BAZ2B: variants seen among roughly 807,000 people sequenced by gnomAD.
The protein encoded by BAZ2B is bromodomain adjacent to zinc finger domain 2B, also known as bromodomain adjacent to zinc finger domain protein 2B.
A neutral mutation model predicts 246.0 loss-of-function variants in BAZ2B; 91 were observed. The observed-to-expected ratio is 0.37, with a 90% CI of 0.31 to 0.44. The LOEUF (loss-of-function observed/expected upper bound fraction) is 0.44. BAZ2B is among the 20% of genes least tolerant of loss of function. The pLI is 1.00. For missense variants in BAZ2B, 2,332 were observed against 2,533.7 expected, an observed-to-expected ratio of 0.92 and a Z score of 1.71; for synonymous variants, 855 against 860.0, an observed-to-expected ratio of 0.99 and a Z score of 0.10.
At chr2:159,550,974 T>C (rs6751744) in intron 2 of BAZ2B, among the ~76,000 whole-genome samples, 39,598 of 151,988 alleles carry the variant, frequency 0.26, 5,231 homozygotes, top group South Asian at 0.36. Context: ...TAGCTGGGAC[T>C]ACAGGCTTGA....
chr2:159,509,895 A>T (rs2082735378), intron 2 of BAZ2B, among the ~76,000 whole-genome samples: 1 of 152,164 alleles, frequency 6.6e-6, no homozygotes, highest in Non-Finnish European at 1.5e-5. Context: ...ACATTTATAC[A>T]TACTAGTGTG....
chr2:159,318,601 T>G (rs1365801623), downstream of BAZ2B, among the ~76,000 whole-genome samples: 1 of 152,250 alleles, frequency 6.6e-6, no homozygotes, highest in Non-Finnish European at 1.5e-5. Context: ...AAATTGCATT[T>G]CTTGAATTCT....
the BAZ2B span, among the ~76,000 whole-genome samples, chr2:159,710,264 A>G: frequency 6.7e-6 from 1 of 148,578 alleles, no homozygotes; most frequent in Non-Finnish European, 1.5e-5. Context: ...GCTGGAGTGC[A>G]GTGGCATGAT....
At chr2:159,502,070 A>G (rs1419758035) in intron 2 of BAZ2B, among the ~76,000 whole-genome samples, 1 of 152,220 alleles carries the variant, frequency 6.6e-6, no homozygotes, top group Non-Finnish European at 1.5e-5. Context: ...CCAGTCACAA[A>G]TGACCATGGG....
chr2:159,413,896 A>G (rs2067222325), intron 13 of BAZ2B, among the ~76,000 whole-genome samples: 1 of 152,208 alleles, frequency 6.6e-6, no homozygotes, highest in Non-Finnish European at 1.5e-5. Context: ...CATATAATTC[A>G]GCAATTCCAC....
chr2:159,508,075 T>C (rs2082521033), intron 2 of BAZ2B, among the ~76,000 whole-genome samples: 1 of 152,152 alleles, frequency 6.6e-6, no homozygotes, highest in Non-Finnish European at 1.5e-5. Flanking sequence ...TTCGTCATGT[T>C]GGCCAGGCTG....
rs756523904 is a variant in BAZ2B, at chr2:159,427,934, T to C, written c.2466+7A>G. ...TTCAAAGACTATACTTTTTAAAAAG[T>C]GGATACCTGCGGTCCATCTCTGGCT... On this transcript the variant is annotated splice_region_variant and intron_variant, in intron 13 of 36. Coordinates refer to ENST00000392783, the MANE Select transcript of BAZ2B (RefSeq NM_013450.4). 2.5e-6 allele frequency: 4 copies of C among 1,610,626 alleles called. No homozygotes were observed. The highest frequency in any genetic ancestry group is 2.2e-5 in the South Asian group (2 of 90,820).
chr2:159,587,405 C>T (rs1372057914), intron 1 of BAZ2B, among the ~76,000 whole-genome samples: 1 of 152,128 alleles, frequency 6.6e-6, no homozygotes, highest in Non-Finnish European at 1.5e-5. Context: ...CCTATCTAAA[C>T]CTCACCTTCC....
chr2:159,700,541 G>T, the BAZ2B span, among the ~76,000 whole-genome samples: 1 of 152,202 alleles, frequency 6.6e-6, no homozygotes, highest in African/African-American at 2.4e-5. Context: ...CGCCTCCCGG[G>T]TTCCAGTGAT....
At chr2:159,689,315 T>C in the BAZ2B span, 1 of 402,822 alleles carries the variant, frequency 2.5e-6, no homozygotes, top group Non-Finnish European at 4.5e-6. Context: ...ACCTTCACCA[T>C]GAAGCTCCAT....
chr2:159,567,115 C>T (rs1682805577), intron 1 of BAZ2B, among the ~76,000 whole-genome samples: 1 of 152,012 alleles, frequency 6.6e-6, no homozygotes, highest in Non-Finnish European at 1.5e-5. Flanking sequence ...TGGTGGTGTG[C>T]ACCCGTAGTC....
At chr2:159,355,136 A>T (rs575689663) in intron 27 of BAZ2B, among the ~76,000 whole-genome samples, 38 of 152,312 alleles carry the variant, frequency 2.5e-4, no homozygotes, top group African/African-American at 9.1e-4. Context: ...AGTTTTTACT[A>T]AACTCTAAGT....
chr2:159,403,858 C>T (rs1363915842), intron 16 of BAZ2B, among the ~76,000 whole-genome samples: 4 of 152,128 alleles, frequency 2.6e-5, no homozygotes, highest in African/African-American at 9.7e-5. Context: ...GAAATAAAGA[C>T]TTAAGGGTTA....
At position 159,438,353 on chromosome 2, in the gene BAZ2B, T is replaced by C; in HGVS notation, c.1243A>G (p.Asn415Asp). ...AATAAACTAGATTCTTCAGAGGTATTTTTATTCCCTGCTTTAAGAACATCA... is the reference window on the plus strand; with the variant it reads ...AATAAACTAGATTCTTCAGAGGTATCTTTATTCCCTGCTTTAAGAACATCA... The part of the protein sequence containing the change: ...SPDVLKAGNK[N>D]TSEESSLLTS... Residue 415 changes from asparagine (N) to aspartate (D), a missense_variant, in exon 8 of 37, where the codon AAT becomes GAT. By Grantham distance (23) the Asn-to-Asp change is conservative. Coordinates refer to ENST00000392783, the MANE Select transcript of BAZ2B (RefSeq NM_013450.4). 1 of 1,614,102 alleles carries C rather than the reference T, an allele frequency of 6.2e-7. No individual in the cohort carries two copies. Among genetic ancestry groups the C allele is most frequent in the South Asian group, 1.1e-5 (1 of 91,080 alleles).
intron 24 of BAZ2B, among the ~76,000 whole-genome samples, 176 bp from the exon 25 acceptor site, chr2:159,382,978 A>T (rs763459926): frequency 2.6e-5 from 4 of 152,290 alleles, no homozygotes; most frequent in Middle Eastern, 3.4e-3. Flanking sequence ...TCCATAAATT[A>T]CAGGATGCAT....
chr2:159,421,802 C>A (rs1183312869), intron 13 of BAZ2B, among the ~76,000 whole-genome samples: 1 of 152,136 alleles, frequency 6.6e-6, no homozygotes, highest in African/African-American at 2.4e-5. Context: ...ATCAAACTAT[C>A]TGTCTTAAGA....
chr2:159,419,636 C>G (rs1481247939), intron 13 of BAZ2B: 2 of 152,172 alleles, frequency 1.3e-5, no homozygotes, highest in African/African-American at 4.8e-5. Flanking sequence ...ACAACTGTTT[C>G]CACAATGCTG....
rs375888221 is a variant in BAZ2B, at chr2:159,585,587, A to T, written c.-45-29722T>A. On this transcript the variant is annotated intron_variant, in intron 1 of 36. Coordinates refer to ENST00000392783, the MANE Select transcript of BAZ2B (RefSeq NM_013450.4). ...GTCTGTTGCTGTACATTTTGCAAAT[A>T]ATGGTTAAAAGCCATTTTTAAATAT... Among the ~76,000 whole-genome samples the T allele has an allele frequency of 6.6e-5, 10 of 152,376 alleles. No homozygotes were observed. The East Asian group carries it at 1.2e-3, about 18-fold the overall frequency.
chr2:159,708,643 C>T, the BAZ2B span, among the ~76,000 whole-genome samples: 6 of 151,512 alleles, frequency 4.0e-5, no homozygotes, highest in Non-Finnish European at 5.9e-5. Context: ...GCATGATCCC[C>T]GCTCACTGCA....
Sources: gnomAD v4.1 joint callset for allele counts (sites outside exome capture counted in the v4.1 genomes callset) on GRCh38, gnomAD v4.1.1 for gene constraint, MANE v1.5 for transcripts, NCBI Gene and HGNC (gene_info 2026-07-23, HGNC 2026-07-21) for gene names.